The following DSPP variants were observed in gnomAD, a reference collection of about 807,000 sequenced individuals.
DSPP encodes the protein dentin sialophosphoprotein.
In DSPP, 28 loss-of-function variants were observed where a neutral mutation model predicts 29.1. The ratio of observed to expected loss-of-function variants is 0.96; its 90% CI spans 0.71 to 1.32. DSPP has a LOEUF of 1.32. DSPP is among the 40% of genes most tolerant of loss of function. DSPP has a pLI of 0.00. For synonymous variants in DSPP, 481 were observed against 503.4 expected (o/e 0.96, Z 0.60); for missense variants, 1,281 against 1,629.9 (o/e 0.79, Z 3.69).
Position 87,614,179 on chromosome 4 carries a change from A to G in DSPP, c.1517A>G (p.Asp506Gly). 6.2e-7 allele frequency: 1 copy of G among 1,614,248 alleles called. No homozygotes were observed. Among genetic ancestry groups the G allele is most frequent in the Non-Finnish European group, 8.5e-7 (1 of 1,180,036 alleles). Reference protein sequence around the residue: ...DESKDNGNGSDSKGAEDDDSD... With the variant: ...DESKDNGNGSGSKGAEDDDSD... ...TCAAAAGATAATGGCAATGGCAGTGACTCAAAAGGAGCAGAAGATGATGAC... is the reference window on the plus strand; with the variant it reads ...TCAAAAGATAATGGCAATGGCAGTGGCTCAAAAGGAGCAGAAGATGATGAC... Residue 506 changes from aspartate to glycine, a missense_variant, in exon 5 of 5, where the codon GAC (aspartate) becomes GGC (glycine). This residue lies in a region of DSPP where 631 missense variants were observed against 643.2 expected (regional missense o/e 0.98). Transcript: ENST00000651931.
In DSPP at chr4:87,614,707, ACAG is replaced by A. The variant is rs1465215987; in HGVS notation, c.2051_2053del (p.Ser684del). ...AGCAGTGACAGCAGCAGTAGCAGTG[ACAG>A]CAGCAACAGCAGTGATAGTAGTGAC... is the stretch of plus-strand genomic sequence containing the variant. On this transcript the variant is annotated inframe_deletion, in exon 5 of 5. Transcript: ENST00000651931. The A allele has an allele frequency of 1.3e-6, 2 of 1,545,066 alleles. No homozygotes were observed. Among genetic ancestry groups the A allele is most frequent in the African/African-American group, 2.7e-5 (2 of 72,778 alleles).
rs1727815073 is a variant in DSPP at position 87,614,569 on chromosome 4, G to A, written c.1907G>A (p.Ser636Asn). The A allele has an allele frequency of 1.3e-6, 2 of 1,551,394 alleles. No individual in the cohort carries two copies. The highest frequency in any genetic ancestry group is 2.7e-5 in the African/African-American group (2 of 72,984). Residue 636 changes from serine to asparagine, a missense_variant, in exon 5 of 5, where the codon AGT becomes AAT. By Grantham distance (46) the Ser-to-Asn change is conservative. Coordinates refer to ENST00000651931, the MANE Select transcript of DSPP (RefSeq NM_014208.3). The stretch of plus-strand genomic sequence containing the variant: ...AAATCAGAGAGCGACAGCAGTGATA[G>A]TGACAGTAAGTCAGACAGCAGTGAC... ...SSKSESDSSDSDSKSDSSDSN... is the reference protein window; with the variant it reads ...SSKSESDSSDNDSKSDSSDSN...
rs576891966 is a variant in DSPP, at chr4:87,608,851, C to T, written c.-29+231C>T. Among the ~76,000 whole-genome samples the T allele has an allele frequency of 1.5e-3, 224 of 152,182 alleles. 1 individual carries two copies. The South Asian group carries it at 0.022, about 15-fold the overall frequency. The stretch of plus-strand genomic sequence containing the variant: ...GAAAGACCTCGTACTGAAAAATTGG[C>T]CAACTGAGGTGGAAATTTGACAATT... On this transcript the variant is annotated intron_variant, in intron 1 of 4. Transcript: ENST00000651931.
At position 87,614,519 on chromosome 4, in the gene DSPP, C is replaced by T. The variant is rs1476610450; in HGVS notation, c.1857C>T (p.Ser619=). 1.3e-6 allele frequency: 2 copies of T among 1,551,336 alleles called. No homozygotes were observed. Among genetic ancestry groups the T allele is most frequent in the Non-Finnish European group, 1.7e-6 (2 of 1,146,874 alleles). The change falls in exon 5 of 5, where the codon AGC becomes AGT. Residue 619 remains serine, a synonymous_variant. Transcript: ENST00000651931. ...DSSDSSDSSD[S]SDSKSDSSKS... ...GTGACAGTAGTGATAGTAGTGACAG[C>T]AGTGACAGCAAGTCAGACAGCAGCA... is the stretch of plus-strand genomic sequence containing the variant.
rs62651554 is a variant in DSPP at position 87,615,368 on chromosome 4, T to C, written c.2706T>C (p.Asp902=). Residue 902 remains aspartate, a synonymous_variant, in exon 5 of 5, where the codon GAT becomes GAC. Transcript: ENST00000651931. ...SDSSDSSNSS[D]SDSSDSSNSS... ...GCAGTGATAGCAGCAACAGCAGTGA[T>C]AGTGACAGCAGTGATAGCAGCAACA... is the stretch of plus-strand genomic sequence containing the variant. 0.39 allele frequency: 596,317 copies of C among 1,528,442 alleles called. 116,119 individuals carry two copies. The highest frequency in any genetic ancestry group is 0.43 in the South Asian group (35,318 of 82,616). 94.7% of individuals were successfully genotyped at this position (1,528,442 alleles called of 1,614,324 possible). A position where few individuals can be genotyped will look rare whatever the true frequency, so the allele number is the denominator to read the frequency against.
Position 87,615,794 on chromosome 4 carries a change from CAGCAGCGATAGCAGT to C in DSPP, c.3133_3147del (p.Ser1045_Ser1049del), listed in dbSNP as rs748296275. On this transcript the variant is annotated inframe_deletion, in exon 5 of 5. Coordinates refer to ENST00000651931, the MANE Select transcript of DSPP (RefSeq NM_014208.3). ...GCAGTGACAGCAGCGATAGCAGTGACAGCAGCGATAGCAGTGACAGCAGTGACAGCAGCAATAGCA... is the reference window on the plus strand; with the variant it reads ...GCAGTGACAGCAGCGATAGCAGTGACGACAGCAGTGACAGCAGCAATAGCA... 1.1e-5 allele frequency: 17 copies of C among 1,532,858 alleles called. No homozygotes were observed. In the South Asian group the frequency reaches 2.0e-4, roughly 18 times the overall value. 95.0% of individuals were successfully genotyped at this position (1,532,858 alleles called of 1,614,324 possible).
In DSPP at chr4:87,616,226, TAGC is replaced by T. The variant is rs750017792; in HGVS notation, c.3567_3569del (p.Ser1190del). On this transcript the variant is annotated inframe_deletion, in exon 5 of 5. Transcript: ENST00000651931. ...GCAGTGATAGCAGCGACAGCAGTGA[TAGC>T]AGTGACAGCAGCGACAGCAGCGATA... The T allele has an allele frequency of 3.3e-6, 5 of 1,509,820 alleles. No individual in the cohort carries two copies. Among genetic ancestry groups the T allele is most frequent in the East Asian group, 2.6e-5 (1 of 38,962 alleles). 93.5% of individuals were successfully genotyped at this position (1,509,820 alleles called of 1,614,324 possible).
intron 4 of DSPP, 51 bp downstream of exon 4, chr4:87,613,359 C>G: frequency 6.3e-7 from 1 of 1,588,968 alleles, no homozygotes; most frequent in Non-Finnish European, 8.6e-7. Context: ...TTCTTCCCCT[C>G]CATCTATTGA....
Position 87,614,474 on chromosome 4 carries a change from TAGTGACAGCAGTGATAGC to T in DSPP, c.1821_1838del (p.Ser617_Ser622del), listed in dbSNP as rs1226737210. On this transcript the variant is annotated inframe_deletion, in exon 5 of 5. Transcript: ENST00000651931. ...GTGATAGCAGCAATAGCAGTGACAGTAGTGACAGCAGTGATAGCAGTGACAGTAGTGATAGTAGTGACA... is the reference window on the plus strand; with the variant it reads ...GTGATAGCAGCAATAGCAGTGACAGTAGTGACAGTAGTGATAGTAGTGACA... The T allele has an allele frequency of 6.5e-7, 1 of 1,549,880 alleles. No individual in the cohort carries two copies. Among genetic ancestry groups the T allele is most frequent in the African/African-American group, 1.4e-5 (1 of 72,662 alleles).
In DSPP at chr4:87,612,669, T is replaced by C; in HGVS notation, c.483T>C (p.Asn161=). The change falls in exon 4 of 5, where the codon AAT becomes AAC. Residue 161 remains asparagine, a synonymous_variant. Coordinates refer to ENST00000651931, the MANE Select transcript of DSPP (RefSeq NM_014208.3). ...RSNTNGNTDK[N]TQNGDVGDAG... is the part of the protein sequence containing the mutation. ...ACACTAATGGAAATACTGATAAGAATACCCAAAATGGGGATGTTGGCGATG... is the reference window on the plus strand; with the variant it reads ...ACACTAATGGAAATACTGATAAGAACACCCAAAATGGGGATGTTGGCGATG... The C allele has an allele frequency of 6.2e-7, 1 of 1,614,066 alleles. No homozygotes were observed. The highest frequency in any genetic ancestry group is 1.3e-5 in the African/African-American group (1 of 75,020).
rs748231789 is a variant in DSPP, at chr4:87,612,421, G to C, written c.235G>C (p.Glu79Gln). Residue 79 changes from glutamate to glutamine, a missense_variant, in exon 4 of 5, where the codon GAA (glutamate) becomes CAA (glutamine). Around this residue, in one of 4 missense-constraint regions of DSPP, gnomAD observed 631 missense variants for 643.2 expected, o/e 0.98. Transcript: ENST00000651931. Reference sequence around the variant, plus strand: ...GAATACCCAAGATGGTCACAAGGGAGAAGGGAATGGCTCTAAGTGGGCAGA... The same window carrying C: ...GAATACCCAAGATGGTCACAAGGGACAAGGGAATGGCTCTAAGTGGGCAGA... ...QENTQDGHKG[E>Q]GNGSKWAEVG... 39 of 1,614,054 alleles carry C rather than the reference G, an allele frequency of 2.4e-5. No individual in the cohort carries two copies. The South Asian group carries it at 4.1e-4, about 17-fold the overall frequency.
chr4:87,610,978 GA>G lies in DSPP; in HGVS notation c.51+23del. ...CATTCCAGTAAGTATGCCTTTCTTAGAAAACCTCTTCACTTTGTTATCTTTT... is the reference window on the plus strand; with the variant it reads ...CATTCCAGTAAGTATGCCTTTCTTAGAAACCTCTTCACTTTGTTATCTTTT... On this transcript the variant is annotated intron_variant, in intron 2 of 4. Coordinates refer to ENST00000651931, the MANE Select transcript of DSPP (RefSeq NM_014208.3). The G allele has an allele frequency of 6.2e-7, 1 of 1,610,298 alleles. No individual in the cohort carries two copies. Among genetic ancestry groups the G allele is most frequent in the East Asian group, 2.2e-5 (1 of 44,814 alleles).
rs771435229 is a variant in DSPP, at chr4:87,612,688, G to A, written c.502G>A (p.Gly168Ser). Reference protein sequence around the residue: ...TDKNTQNGDVGDAGHNEDVAV... With the variant: ...TDKNTQNGDVSDAGHNEDVAV... Reference sequence around the variant, plus strand: ...TAAGAATACCCAAAATGGGGATGTTGGCGATGCAGGTCACAATGAGGATGT... The same window carrying A: ...TAAGAATACCCAAAATGGGGATGTTAGCGATGCAGGTCACAATGAGGATGT... Residue 168 changes from glycine (G) to serine (S), a missense_variant, in exon 4 of 5, where the codon GGC (glycine) becomes AGC (serine). By Grantham distance (56) the Gly-to-Ser change is moderately conservative. Around this residue, in one of 4 missense-constraint regions of DSPP, gnomAD observed 631 missense variants for 643.2 expected, o/e 0.98. Transcript: ENST00000651931. 1 of 1,614,152 alleles carries A rather than the reference G, an allele frequency of 6.2e-7. No homozygotes were observed. Among genetic ancestry groups the A allele is most frequent in the Admixed American group, 1.7e-5 (1 of 60,022 alleles).
Position 87,614,961 on chromosome 4 carries a change from A to G in DSPP, c.2299A>G (p.Ser767Gly). Residue 767 changes from serine (S) to glycine (G), a missense_variant, in exon 5 of 5, where the codon AGC (serine) becomes GGC (glycine). Ser to Gly is a moderately conservative substitution (Grantham distance 56). Coordinates refer to ENST00000651931, the MANE Select transcript of DSPP (RefSeq NM_014208.3). ...DSSDSSNSSD[S>G]SDSSDSSDSS... ...CAGTGACAGCAGCAACAGCAGTGAC[A>G]GCAGTGATAGCAGTGACAGCAGTGA... 1 of 1,551,226 alleles carries G rather than the reference A, an allele frequency of 6.4e-7. No individual in the cohort carries two copies. The highest frequency in any genetic ancestry group is 8.7e-7 in the Non-Finnish European group (1 of 1,146,908).
chr4:87,613,044 G>T lies in DSPP; in HGVS notation c.858G>T (p.Gly286=). The stretch of plus-strand genomic sequence containing the variant: ...AGGGCCAGGAGGGCCAGGACCATGG[G>T]AAAGAAGATGATCATGATAGTAGCA... The part of the protein sequence containing the change: ...NSKGQEGQDH[G]KEDDHDSSIG... Residue 286 remains glycine (G), a synonymous_variant, in exon 4 of 5, where the codon GGG becomes GGT. Coordinates refer to ENST00000651931, the MANE Select transcript of DSPP (RefSeq NM_014208.3). The T allele has an allele frequency of 6.2e-7, 1 of 1,614,140 alleles. No homozygotes were observed. The highest frequency in any genetic ancestry group is 1.1e-5 in the South Asian group (1 of 91,078).
Position 87,611,029 on chromosome 4 carries a change from TAGTGTGTG to T in DSPP, c.51+71_51+78del, listed in dbSNP as rs375777357. 1,759 of 1,031,126 alleles carry T rather than the reference TAGTGTGTG, an allele frequency of 1.7e-3. 25 individuals carry two copies. The African/African-American group carries it at 0.039, about 23-fold the overall frequency. The allele number at this position is 1,031,126 out of a possible 1,614,324, so 63.9% of individuals were successfully genotyped here. A position where few individuals can be genotyped will look rare whatever the true frequency, so the allele number is the denominator to read the frequency against. On this transcript the variant is annotated intron_variant, in intron 2 of 4. Coordinates refer to ENST00000651931, the MANE Select transcript of DSPP (RefSeq NM_014208.3). ...TTTAACCTAACATTAATACAAAATGTAGTGTGTGTGTGTGTGTGTGTGTGTGTGTGTGT... is the reference window on the plus strand; with the variant it reads ...TTTAACCTAACATTAATACAAAATGTTGTGTGTGTGTGTGTGTGTGTGTGT...
chr4:87,614,092 C>T lies in DSPP; in HGVS notation c.1430C>T (p.Ala477Val), dbSNP rs771720865. ...GATGAATCTAATGGCAATGATGATG[C>T]TAATTCAGAAAGTGACAATAACAGC... ...SSDESNGNDD[A>V]NSESDNNSSS... Residue 477 changes from alanine to valine, a missense_variant, in exon 5 of 5, where the codon GCT (alanine) becomes GTT (valine). Ala to Val is a moderately conservative substitution (Grantham distance 64, BLOSUM62 0). Around this residue, in one of 4 missense-constraint regions of DSPP, gnomAD observed 631 missense variants for 643.2 expected, o/e 0.98. Coordinates refer to ENST00000651931, the MANE Select transcript of DSPP (RefSeq NM_014208.3). The T allele has an allele frequency of 2.5e-6, 4 of 1,614,168 alleles. No homozygotes were observed. Among genetic ancestry groups the T allele is most frequent in the Non-Finnish European group, 3.4e-6 (4 of 1,180,040 alleles).
intron 4 of DSPP, 131 bp from the exon 5 acceptor site, chr4:87,613,654 A>G: frequency 7.6e-7 from 1 of 1,322,218 alleles, no homozygotes; most frequent in Non-Finnish European, 1.1e-6. Context: ...CATTTTCACA[A>G]ATAACTGTGA....
At position 87,614,195 on chromosome 4, in the gene DSPP, A is replaced by T. The variant is rs1429184123; in HGVS notation, c.1533A>T (p.Glu511Asp). ...ATGGCAGTGACTCAAAAGGAGCAGA[A>T]GATGATGACAGTGATAGCACATCAG... ...NGNGSDSKGA[E>D]DDDSDSTSDT... The change falls in exon 5 of 5, where the codon GAA (glutamate) becomes GAT (aspartate). Residue 511 changes from glutamate to aspartate, a missense_variant. Physicochemically the swap from Glu to Asp is conservative, Grantham distance 45. Around this residue, in one of 4 missense-constraint regions of DSPP, gnomAD observed 631 missense variants for 643.2 expected, o/e 0.98. Coordinates refer to ENST00000651931, the MANE Select transcript of DSPP (RefSeq NM_014208.3). 1 of 1,614,252 alleles carries T rather than the reference A, an allele frequency of 6.2e-7. No individual in the cohort carries two copies. Among genetic ancestry groups the T allele is most frequent in the Non-Finnish European group, 8.5e-7 (1 of 1,180,044 alleles).
Sources: gnomAD v4.1 joint callset for allele counts (sites outside exome capture counted in the v4.1 genomes callset) on GRCh38, gnomAD v4.1.1 for gene constraint, gnomAD v4.1.1 regional missense constraint, MANE v1.5 for transcripts, NCBI Gene and HGNC (gene_info 2026-07-23, HGNC 2026-07-21) for gene names.